Variants in CFAP54 observed in about 807,000 individuals in gnomAD.
CFAP54 encodes the protein cilia and flagella associated protein 54.
In CFAP54, 290 loss-of-function variants were observed where a neutral mutation model predicts 370.4. That is an observed-to-expected ratio of 0.78 (90% CI 0.71 to 0.86). The LOEUF is 0.86. Among genes scored for constraint, CFAP54 ranks in the 40% least tolerant of loss-of-function variants. The pLI, the probability that CFAP54 is intolerant of heterozygous loss-of-function variation, is 0.00. For missense variants in CFAP54, 3,399 were observed against 3,528.7 expected, an observed-to-expected ratio of 0.96 and a Z score of 0.93; for synonymous variants, 1,206 against 1,236.5, an observed-to-expected ratio of 0.98 and a Z score of 0.52.
intron 51 of CFAP54, 148 bp from the exon 52 acceptor site, chr12:96,742,291 T>C: frequency 1.8e-6 from 1 of 558,218 alleles, no homozygotes; most frequent in Non-Finnish European, 3.0e-6. Flanking sequence ...TTATATTTTA[T>C]AGAATGTGCA....
chr12:96,520,933 A>G (rs1592828977), intron 6 of CFAP54, among the ~76,000 whole-genome samples: 1 of 152,248 alleles, frequency 6.6e-6, no homozygotes, highest in East Asian at 1.9e-4. Context: ...AGAACAGCCT[A>G]ATTTAACCTT....
chr12:96,643,390 T>C (rs1413120800), intron 32 of CFAP54, among the ~76,000 whole-genome samples: 1 of 1,122 alleles, frequency 8.9e-4, no homozygotes, highest in Non-Finnish European at 1.5e-3. Context: ...TTTTATTGTA[T>C]GTGTGTATGT....
intron 19 of CFAP54, among the ~76,000 whole-genome samples, chr12:96,565,666 A>G (rs1206572966): frequency 2.0e-5 from 3 of 152,166 alleles, no homozygotes; most frequent in African/African-American, 7.2e-5. Context: ...CCTATAGAGG[A>G]TGATTTTGAA....
intron 48 of CFAP54, among the ~76,000 whole-genome samples, chr12:96,713,705 A>G (rs533090668): frequency 6.6e-6 from 1 of 152,240 alleles, no homozygotes; most frequent in Non-Finnish European, 1.5e-5. Context: ...GTGGGGTGTG[A>G]TTTAAAATAG....
At chr12:96,657,646 T>C (rs1480069387) in intron 36 of CFAP54, among the ~76,000 whole-genome samples, 2 of 152,202 alleles carry the variant, frequency 1.3e-5, no homozygotes, top group Non-Finnish European at 2.9e-5. Context: ...AGGTTTCTAG[T>C]GGCTATAGGG....
chr12:96,515,088 A>C (rs1280301619), intron 5 of CFAP54, among the ~76,000 whole-genome samples: 5 of 151,546 alleles, frequency 3.3e-5, no homozygotes, highest in African/African-American at 1.2e-4. Flanking sequence ...GCTCACTGCA[A>C]GCTCTGCCTC....
rs984964525 is a variant in CFAP54, at chr12:96,693,162, G to T, written c.6265-560G>T. On this transcript the variant is annotated intron_variant, in intron 44 of 67. Coordinates refer to ENST00000524981, the MANE Select transcript of CFAP54 (RefSeq NM_001306084.2). The stretch of plus-strand genomic sequence containing the variant: ...CCAGTAGAATATACGCTATGTGAAG[G>T]CAGGGACTTGTTAGATTTTGTTCTC... Among the ~76,000 whole-genome samples the T allele has an allele frequency of 2.0e-5, 3 of 152,316 alleles. No homozygotes were observed. In the East Asian group the frequency reaches 5.8e-4, roughly 29 times the overall value.
rs193233414 is a variant in CFAP54, at chr12:96,724,063, T to A, written c.6965+3498T>A. Among the ~76,000 whole-genome samples the A allele has an allele frequency of 4.4e-3, 671 of 152,112 alleles. 4 individuals are homozygous for A. The highest frequency in any genetic ancestry group is 0.015 in the African/African-American group (642 of 41,468). On this transcript the variant is annotated intron_variant, in intron 50 of 67. Coordinates refer to ENST00000524981, the MANE Select transcript of CFAP54 (RefSeq NM_001306084.2). ...TGGTGTATATGTGCCAGTTTCTTAA[T>A]CCAGTCTATCATTGATGGACATTTG... is the stretch of plus-strand genomic sequence containing the variant.
chr12:96,703,186 T>C (rs772897873), intron 46 of CFAP54, among the ~76,000 whole-genome samples: 89 of 152,252 alleles, frequency 5.8e-4, no homozygotes, highest in Non-Finnish European at 1.2e-3. Context: ...TTGGGAACAA[T>C]AGTGTCCTTG....
chr12:96,860,806 T>C lies in CFAP54; in HGVS notation c.9172-13T>C. The C allele has an allele frequency of 2.0e-6, 3 of 1,520,350 alleles. No individual in the cohort carries two copies. Among genetic ancestry groups the C allele is most frequent in the Non-Finnish European group, 2.6e-6 (3 of 1,141,516 alleles). The allele number at this position is 1,520,350 out of a possible 1,614,324, so 94.2% of individuals were successfully genotyped here. ...ACAATGCATTTCATGAACACTTTTATGTTTTTCCTCAGGTCCCATTTGATA... is the reference window on the plus strand; with the variant it reads ...ACAATGCATTTCATGAACACTTTTACGTTTTTCCTCAGGTCCCATTTGATA... On this transcript the variant is annotated splice_polypyrimidine_tract_variant and intron_variant, in intron 66 of 67. Coordinates refer to ENST00000524981, the MANE Select transcript of CFAP54 (RefSeq NM_001306084.2).
chr12:96,698,227 G>A (rs1476112440), intron 45 of CFAP54, among the ~76,000 whole-genome samples: 1 of 152,168 alleles, frequency 6.6e-6, no homozygotes, highest in Admixed American at 6.5e-5. Flanking sequence ...ACAAATTTAA[G>A]TAAGAACTCC....
At chr12:96,671,181 A>G (rs990713167) in intron 39 of CFAP54, among the ~76,000 whole-genome samples, 12 of 152,098 alleles carry the variant, frequency 7.9e-5, no homozygotes, top group Non-Finnish European at 1.0e-4. Flanking sequence ...CATGTTGGCC[A>G]GGCTGGTCTC....
At chr12:96,618,745 T>G (rs563583582) in intron 26 of CFAP54, among the ~76,000 whole-genome samples, 1 of 152,306 alleles carries the variant, frequency 6.6e-6, no homozygotes. Flanking sequence ...CAGCTTTGGA[T>G]GAATTTTCTC....
Position 96,564,544 on chromosome 12 carries a change from T to G in CFAP54, c.2487T>G (p.Asp829Glu), listed in dbSNP as rs1239604756. ...AGTTAAAACAATCTGGAAGCACTGA[T>G]TGTTTTACAGGTAATTAAAATTGGG... ...PEKLKQSGST[D>E]CFTELNIMNK... The change falls in exon 18 of 68, where the codon GAT becomes GAG. Residue 829 changes from aspartate to glutamate, a missense_variant. Coordinates refer to ENST00000524981, the MANE Select transcript of CFAP54 (RefSeq NM_001306084.2). 1 of 696,270 alleles carries G rather than the reference T, an allele frequency of 1.4e-6. No individual in the cohort carries two copies. The highest frequency in any genetic ancestry group is 2.6e-6 in the Non-Finnish European group (1 of 382,044). The allele number at this position is 696,270 out of a possible 1,614,324, so 43.1% of individuals were successfully genotyped here.
chr12:96,513,224 A>T (rs1199722493), intron 5 of CFAP54, among the ~76,000 whole-genome samples, 180 bp downstream of exon 5: 2 of 152,142 alleles, frequency 1.3e-5, no homozygotes, highest in Non-Finnish European at 2.9e-5. Context: ...AATAGGGATC[A>T]TATGTAAAAA....
intron 28 of CFAP54, among the ~76,000 whole-genome samples, chr12:96,624,751 CTG>C (rs915380093): frequency 7.2e-5 from 11 of 152,130 alleles, no homozygotes; most frequent in Non-Finnish European, 1.3e-4. Flanking sequence ...ACCTTTCCTA[CTG>C]TGTGCCTCTG....
chr12:96,555,279 A>C (rs1365689958), intron 17 of CFAP54, among the ~76,000 whole-genome samples: 1 of 152,002 alleles, frequency 6.6e-6, no homozygotes, highest in African/African-American at 2.4e-5. Context: ...AGTTCCTGGC[A>C]GGGGCGTGTA....
intron 3 of CFAP54, among the ~76,000 whole-genome samples, chr12:96,505,036 T>G (rs1955081389): frequency 1.3e-5 from 2 of 151,676 alleles, no homozygotes; most frequent in South Asian, 2.1e-4. Context: ...TTCTCTTTCT[T>G]TCTTTTCTTC....
At chr12:96,641,978 A>T (rs1321015603) in intron 32 of CFAP54, among the ~76,000 whole-genome samples, 1 of 151,960 alleles carries the variant, frequency 6.6e-6, no homozygotes, top group Admixed American at 6.6e-5. Flanking sequence ...ACCTGATGTT[A>T]AATGACGAGT....
Sources: gnomAD v4.1 joint callset for allele counts (sites outside exome capture counted in the v4.1 genomes callset) on GRCh38, gnomAD v4.1.1 for gene constraint, MANE v1.5 for transcripts, NCBI Gene and HGNC (gene_info 2026-07-23, HGNC 2026-07-21) for gene names.